Variants in SMAD3 observed in about 807,000 individuals in gnomAD.
SMAD3 encodes SMAD family member 3.
In SMAD3, 12 loss-of-function variants were observed where a neutral mutation model predicts 51.8. The observed-to-expected ratio is 0.23, with a 90% confidence interval of 0.15 to 0.38. The LOEUF (loss-of-function observed/expected upper bound fraction) is 0.38. Among genes scored for constraint, SMAD3 ranks in the 10% least tolerant of loss-of-function variants. SMAD3 has a pLI of 1.00. For synonymous variants in SMAD3, 238 were observed against 227.7 expected (o/e 1.05, Z -0.41); for missense variants, 294 against 565.6 (o/e 0.52, Z 4.87).
At chr15:67,137,576 T>A (rs1961698202) in intron 1 of SMAD3, among the ~76,000 whole-genome samples, 1 of 152,254 alleles carries the variant, frequency 6.6e-6, no homozygotes, top group South Asian at 2.1e-4. Context: ...CAGTTTTAGT[T>A]GCTTTCAGTT....
chr15:67,069,199 C>T (rs1325250457), intron 1 of SMAD3, among the ~76,000 whole-genome samples: 3 of 152,106 alleles, frequency 2.0e-5, no homozygotes, highest in Non-Finnish European at 2.9e-5. Context: ...GGGGAGCTGG[C>T]GTGATACACA....
At chr15:67,179,850 G>A (rs1963005472) in intron 5 of SMAD3, among the ~76,000 whole-genome samples, 1 of 152,068 alleles carries the variant, frequency 6.6e-6, no homozygotes, top group South Asian at 2.1e-4. Context: ...CCTCCCTGAG[G>A]AGGAACCCTC....
intron 1 of SMAD3, among the ~76,000 whole-genome samples, chr15:67,087,406 A>T (rs1179650222): frequency 2.6e-5 from 4 of 152,106 alleles, no homozygotes; most frequent in African/African-American, 9.7e-5. Flanking sequence ...TTTCCTGCAT[A>T]GTTTCAGTTG....
intron 1 of SMAD3, among the ~76,000 whole-genome samples, chr15:67,072,674 G>A (rs1177592588): frequency 6.6e-6 from 1 of 152,198 alleles, no homozygotes; most frequent in Non-Finnish European, 1.5e-5. Context: ...CACCAGCCAT[G>A]TGCAGACGTG....
intron 8 of SMAD3, among the ~76,000 whole-genome samples, chr15:67,188,861 A>G (rs773995625): frequency 9.9e-5 from 15 of 152,248 alleles, no homozygotes; most frequent in Non-Finnish European, 2.1e-4. Flanking sequence ...TTCATCCTGT[A>G]AAATCCTCCT....
chr15:67,191,057 C>CCA lies in SMAD3; in HGVS notation c.*521_*522insCA. On this transcript the variant is annotated 3_prime_UTR_variant, in exon 9 of 9. Coordinates refer to ENST00000327367, the MANE Select transcript of SMAD3 (RefSeq NM_005902.4). ...CCAGCCCCGCCCCGCCCCGCCCCAC[C>CCA]ACTCCAGCAGACCTTGCCCCTTGTG... 8.4e-6 allele frequency: 2 copies of CCA among 237,882 alleles called. No individual in the cohort carries two copies. Among genetic ancestry groups the CCA allele is most frequent in the Non-Finnish European group, 8.3e-6 (1 of 120,556 alleles). The allele number at this position is 237,882 out of a possible 1,614,324, so 14.7% of individuals were successfully genotyped here.
chr15:67,094,626 G>A (rs750160041), intron 1 of SMAD3, among the ~76,000 whole-genome samples: 5 of 152,200 alleles, frequency 3.3e-5, no homozygotes, highest in East Asian at 1.9e-4. Context: ...ATGTGGCCAG[G>A]GCCGAGCTGA....
At chr15:67,089,370 T>C (rs1960462852) in intron 1 of SMAD3, among the ~76,000 whole-genome samples, 1 of 152,216 alleles carries the variant, frequency 6.6e-6, no homozygotes, top group Non-Finnish European at 1.5e-5. Context: ...GGTGGGGTGA[T>C]GAGTCACACC....
rs1163396641 is a variant in SMAD3, at chr15:67,191,040, G to T, written c.*504G>T. 2.3e-5 allele frequency: 2 copies of T among 88,508 alleles called. No homozygotes were observed. Among genetic ancestry groups the T allele is most frequent in the Non-Finnish European group, 4.5e-5 (2 of 44,898 alleles). 5.5% of individuals were successfully genotyped at this position (88,508 alleles called of 1,614,324 possible). ...CAGTGAACATTCCCAGCCCAGCCCC[G>T]CCCCGCCCCGCCCCACCACTCCAGC... On this transcript the variant is annotated 3_prime_UTR_variant, in exon 9 of 9. Coordinates refer to ENST00000327367, the MANE Select transcript of SMAD3 (RefSeq NM_005902.4).
intron 1 of SMAD3, among the ~76,000 whole-genome samples, chr15:67,105,299 T>C (rs1960851828): frequency 6.6e-6 from 1 of 152,002 alleles, no homozygotes; most frequent in Non-Finnish European, 1.5e-5. Context: ...CTGCCTCTGT[T>C]TGGTGGTGGG....
rs1231173797 is a variant in SMAD3, at chr15:67,113,079, T to TATATATAC, written c.206+46726_206+46727insCATATATA. The stretch of plus-strand genomic sequence containing the variant: ...CTTTTAAAATATATATATATGTGTA[T>TATATATAC]ATATATATATATATATTTTTTTGAG... On this transcript the variant is annotated intron_variant, in intron 1 of 8. Coordinates refer to ENST00000327367, the MANE Select transcript of SMAD3 (RefSeq NM_005902.4). Among the ~76,000 whole-genome samples the TATATATAC allele has an allele frequency of 2.1e-5, 2 of 95,424 alleles. 1 individual carries two copies. The highest frequency in any genetic ancestry group is 3.8e-5 in the Non-Finnish European group (2 of 53,202). The allele number at this position is 95,424 out of a possible 152,430, so 62.6% of individuals were successfully genotyped here.
At position 67,177,376 on chromosome 15, in the gene SMAD3, G is replaced by A. The variant is rs923180452; in HGVS notation, c.659-3865G>A. 1.3e-4 allele frequency among the ~76,000 whole-genome samples: 19 copies of A among 147,980 alleles called. 1 individual carries two copies. Among genetic ancestry groups the A allele is most frequent in the African/African-American group, 4.7e-4 (19 of 40,006 alleles). ...GTTTCTCTGGTACTAACCAGGGTAAGGATAAGTACTTTGGGAAAGAAATGA... is the reference window on the plus strand; with the variant it reads ...GTTTCTCTGGTACTAACCAGGGTAAAGATAAGTACTTTGGGAAAGAAATGA... On this transcript the variant is annotated intron_variant, in intron 5 of 8. Transcript: ENST00000327367.
rs545809789 is a variant in SMAD3, at chr15:67,111,211, C to T, written c.206+44851C>T. On this transcript the variant is annotated intron_variant, in intron 1 of 8. Coordinates refer to ENST00000327367, the MANE Select transcript of SMAD3 (RefSeq NM_005902.4). Reference sequence around the variant, plus strand: ...ACTTTCTGGTTCTCTGGATTTGCCTCTTTTGGACATTTCATGTAGATGAAA... The same window carrying T: ...ACTTTCTGGTTCTCTGGATTTGCCTTTTTTGGACATTTCATGTAGATGAAA... Among the ~76,000 whole-genome samples the T allele has an allele frequency of 1.6e-4, 25 of 152,322 alleles. 1 individual carries two copies. The East Asian group carries it at 3.3e-3, about 20-fold the overall frequency.
At chr15:67,117,405 C>A (rs1961159221) in intron 1 of SMAD3, among the ~76,000 whole-genome samples, 1 of 152,156 alleles carries the variant, frequency 6.6e-6, no homozygotes. Context: ...GGCTTCAGAT[C>A]TTGAAAGTCC....
At chr15:67,077,288 G>A (rs1003863590) in intron 1 of SMAD3, among the ~76,000 whole-genome samples, 2 of 152,104 alleles carry the variant, frequency 1.3e-5, no homozygotes, top group East Asian at 1.9e-4. Flanking sequence ...GCTCAGTTGC[G>A]TGGCCACAAC....
chr15:67,159,145 A>G (rs1440481207), intron 1 of SMAD3, among the ~76,000 whole-genome samples: 1 of 151,832 alleles, frequency 6.6e-6, no homozygotes, highest in Non-Finnish European at 1.5e-5. Context: ...ATCACAGCTC[A>G]CTGCAGCCTC....
At chr15:67,095,740 G>A (rs1960602142) in intron 1 of SMAD3, among the ~76,000 whole-genome samples, 1 of 152,112 alleles carries the variant, frequency 6.6e-6, no homozygotes, top group Admixed American at 6.6e-5. Flanking sequence ...TCACCATGTT[G>A]GCGAGGCTGG....
intron 1 of SMAD3, among the ~76,000 whole-genome samples, chr15:67,139,024 G>A (rs981510142): frequency 1.2e-4 from 18 of 152,140 alleles, no homozygotes; most frequent in Admixed American, 2.0e-4. Context: ...CTGAAGTGTC[G>A]GAAATGCATT....
chr15:67,066,431 T>G, intron 1 of SMAD3, 71 bp downstream of exon 1: 1 of 1,263,862 alleles, frequency 7.9e-7, no homozygotes, highest in South Asian at 1.2e-5. Flanking sequence ...GCCGACCCAG[T>G]GGGGCTGGAG....
Sources: gnomAD v4.1 joint callset for allele counts (sites outside exome capture counted in the v4.1 genomes callset) on GRCh38, gnomAD v4.1.1 for gene constraint, MANE v1.5 for transcripts, NCBI Gene and HGNC (gene_info 2026-07-23, HGNC 2026-07-21) for gene names.